The following CHN1 variants were observed in gnomAD, a reference collection of about 807,000 sequenced individuals.
CHN1 encodes N-chimaerin.
Under a neutral mutation model 59.5 loss-of-function variants are expected in CHN1, and 37 were observed. The ratio of observed to expected loss-of-function variants is 0.62; its 90% confidence interval spans 0.48 to 0.82. CHN1 has a LOEUF of 0.82. Ranked by LOEUF, CHN1 falls within the 40% of genes least tolerant of loss-of-function variation. CHN1 has a pLI of 0.00. For missense variants in CHN1, 469 were observed against 571.0 expected (o/e 0.82, Z 1.82); for synonymous variants, 206 against 200.4 (o/e 1.03, Z -0.24).
intron 7 of CHN1, among the ~76,000 whole-genome samples, chr2:174,844,742 G>A (rs1306997389): frequency 1.3e-5 from 2 of 152,014 alleles, no homozygotes; most frequent in African/African-American, 4.8e-5. Context: ...ATTTTTTATA[G>A]TGCCACCCCA....
chr2:174,839,773 T>C (rs1322901223), intron 7 of CHN1, among the ~76,000 whole-genome samples: 2 of 152,032 alleles, frequency 1.3e-5, no homozygotes, highest in African/African-American at 4.8e-5. Flanking sequence ...CCAGCTAAGT[T>C]TTGTATTTTT....
intron 6 of CHN1, among the ~76,000 whole-genome samples, chr2:174,848,192 A>G (rs933640824): frequency 6.6e-6 from 1 of 152,158 alleles, no homozygotes; most frequent in African/African-American, 2.4e-5. Flanking sequence ...AGAAGAAACC[A>G]TTATTTTAAT....
intron 1 of CHN1, among the ~76,000 whole-genome samples, chr2:174,956,301 G>C (rs1358610109): frequency 6.6e-6 from 1 of 151,990 alleles, no homozygotes; most frequent in Admixed American, 6.6e-5. Context: ...CAACAAATGA[G>C]AGAACTCAAC....
intron 3 of CHN1, among the ~76,000 whole-genome samples, chr2:174,930,961 G>C (rs936758315): frequency 6.6e-6 from 1 of 151,950 alleles, no homozygotes; most frequent in African/African-American, 2.4e-5. Flanking sequence ...GTAGAGACAG[G>C]GTTTCACTAC....
chr2:174,874,653 T>G (rs1465861601), intron 6 of CHN1, among the ~76,000 whole-genome samples: 4 of 152,128 alleles, frequency 2.6e-5, no homozygotes, highest in African/African-American at 9.7e-5. Flanking sequence ...ATTCTCATCT[T>G]TCTATTTTAA....
At chr2:174,949,633 T>C (rs921160342) in intron 2 of CHN1, among the ~76,000 whole-genome samples, 3 of 152,130 alleles carry the variant, frequency 2.0e-5, no homozygotes, top group East Asian at 1.9e-4. Flanking sequence ...CCCAGACTAC[T>C]AGGATTACAG....
intron 1 of CHN1, among the ~76,000 whole-genome samples, chr2:174,957,446 T>TG (rs571065105): frequency 0.076 from 6,809 of 89,818 alleles, 562 homozygotes; most frequent in Middle Eastern, 0.1. Context: ...GTGTGTGTGT[T>TG]GGGGGGGGGG....
At position 174,923,998 on chromosome 2, in the gene CHN1, A is replaced by AT. The variant is rs567438004; in HGVS notation, c.115-5434dup. On this transcript the variant is annotated intron_variant, in intron 3 of 12. Transcript: ENST00000409900. ...ATTGAAATGTCAATCAAAACTTGAGATTTTTTTTCTCTCATGTCTAGATAG... is the reference window on the plus strand; with the variant it reads ...ATTGAAATGTCAATCAAAACTTGAGATTTTTTTTTCTCTCATGTCTAGATAG... Among the ~76,000 whole-genome samples, 50 of 152,042 alleles carry AT rather than the reference A, an allele frequency of 3.3e-4. No homozygotes were observed. The East Asian group carries it at 6.4e-3, about 19-fold the overall frequency.
At chr2:174,885,303 T>TAG (rs370714896) in intron 5 of CHN1, among the ~76,000 whole-genome samples, 20 of 148,038 alleles carry the variant, frequency 1.4e-4, no homozygotes, top group African/African-American at 4.7e-4. Flanking sequence ...TATATATATA[T>TAG]AGAGAGAGAG....
rs142597455 is a variant in CHN1 at position 174,903,658 on chromosome 2, C to T, written c.260+11400G>A. 3.5e-3 allele frequency among the ~76,000 whole-genome samples: 527 copies of T among 151,894 alleles called. 9 individuals carry two copies. The highest frequency in any genetic ancestry group is 0.032 in the Admixed American group (483 of 15,264). On this transcript the variant is annotated intron_variant, in intron 5 of 12. Coordinates refer to ENST00000409900, the MANE Select transcript of CHN1 (RefSeq NM_001822.7). ...ATAATAAATTACACAGATGCAAATA[C>T]GCTTATTTTTATAAAGAATTATTGC... is the stretch of plus-strand genomic sequence containing the variant.
intron 1 of CHN1, among the ~76,000 whole-genome samples, chr2:174,977,277 C>A (rs1300997249): frequency 6.6e-6 from 1 of 152,172 alleles, no homozygotes; most frequent in Non-Finnish European, 1.5e-5. Flanking sequence ...AGGATATCAT[C>A]ATCTGATAAT....
At chr2:174,836,237 T>C (rs1024395656) in intron 7 of CHN1, among the ~76,000 whole-genome samples, 2 of 152,256 alleles carry the variant, frequency 1.3e-5, no homozygotes, top group African/African-American at 4.8e-5. Flanking sequence ...CTTCTTTCAG[T>C]TGTCACAGTT....
intron 6 of CHN1, 167 bp from the exon 7 acceptor site, chr2:174,847,124 G>C: frequency 6.5e-7 from 1 of 1,548,716 alleles, no homozygotes; most frequent in Non-Finnish European, 8.7e-7. Context: ...AGACTCTTTG[G>C]ATGGCATTTT....
intron 3 of CHN1, among the ~76,000 whole-genome samples, chr2:174,927,787 T>G (rs545018203): frequency 6.6e-6 from 1 of 152,218 alleles, no homozygotes; most frequent in Non-Finnish European, 1.5e-5. Flanking sequence ...TTGTTCACCC[T>G]GTGAAAAATG....
At position 174,800,127 on chromosome 2, in the gene CHN1, T is replaced by G. The variant is rs1341514965; in HGVS notation, c.1369A>C (p.Ile457Leu). ...CTCAAATTAAAAATTTAAAATAAAA[T>G]GTCTTCGTTTTTGATAAGCAGCTCC... ...VVELLIKNED[I>L]LF Residue 457 changes from isoleucine (I) to leucine (L), a missense_variant, in exon 13 of 13, where the codon ATT becomes CTT. Coordinates refer to ENST00000409900, the MANE Select transcript of CHN1 (RefSeq NM_001822.7). 5.1e-6 allele frequency: 8 copies of G among 1,572,544 alleles called. No individual in the cohort carries two copies. In the Admixed American group the frequency reaches 1.3e-4, roughly 26 times the overall value.
chr2:174,885,026 G>A (rs954944453), intron 5 of CHN1, among the ~76,000 whole-genome samples: 10 of 151,934 alleles, frequency 6.6e-5, no homozygotes, highest in Non-Finnish European at 1.0e-4. Context: ...GGTGGCTCAT[G>A]CCTGTAATCC....
chr2:174,847,020 G>A, intron 6 of CHN1, 63 bp from the exon 7 acceptor site: 1 of 1,551,602 alleles, frequency 6.4e-7, no homozygotes, highest in Non-Finnish European at 8.7e-7. Flanking sequence ...GGAGAACCCA[G>A]TTTCATTCCC....
chr2:174,941,899 C>T (rs1387339422), intron 3 of CHN1, among the ~76,000 whole-genome samples: 2 of 151,848 alleles, frequency 1.3e-5, no homozygotes, highest in Non-Finnish European at 2.9e-5. Context: ...TTACTTAAGC[C>T]AAGAAGTATA....
chr2:174,964,221 G>A (rs1442719364), intron 1 of CHN1, among the ~76,000 whole-genome samples: 1 of 152,118 alleles, frequency 6.6e-6, no homozygotes, highest in Non-Finnish European at 1.5e-5. Context: ...TGTTTCAAGT[G>A]ACTGTTTTCT....
Sources: allele counts gnomAD v4.1 joint callset (sites outside exome capture counted in the v4.1 genomes callset), GRCh38; gene constraint gnomAD v4.1.1; transcripts MANE v1.5; gene names NCBI Gene and HGNC (gene_info 2026-07-23, HGNC 2026-07-21).